Variants in SCARA5 observed in about 807,000 individuals in gnomAD.
The protein encoded by SCARA5 is scavenger receptor class A, member 5 (putative).
Under a neutral mutation model 46.3 loss-of-function variants are expected in SCARA5, and 45 were observed. That is an observed-to-expected ratio of 0.97 (90% CI 0.76 to 1.24). The LOEUF (loss-of-function observed/expected upper bound fraction) is 1.24. Among genes scored for constraint, SCARA5 ranks in the 50% most tolerant of loss-of-function variants. SCARA5 has a pLI of 0.00. For missense variants in SCARA5, 680 were observed against 689.0 expected, an observed-to-expected ratio of 0.99 and a Z score of 0.15; for synonymous variants, 333 against 306.5, an observed-to-expected ratio of 1.09 and a Z score of -0.90.
intron 2 of SCARA5, among the ~76,000 whole-genome samples, chr8:27,984,543 T>C (rs1041586934): frequency 2.0e-5 from 3 of 152,128 alleles, no homozygotes; most frequent in African/African-American, 4.8e-5. Context: ...CATTCATTCA[T>C]CCATCCATCC....
At chr8:27,953,998 C>T (rs1421709525) in intron 3 of SCARA5, among the ~76,000 whole-genome samples, 1 of 152,168 alleles carries the variant, frequency 6.6e-6, no homozygotes, top group East Asian at 1.9e-4. Context: ...ATGCAGGTCC[C>T]ACTCTGCCAC....
chr8:27,967,702 C>G (rs1808390720), intron 2 of SCARA5, among the ~76,000 whole-genome samples: 1 of 152,126 alleles, frequency 6.6e-6, no homozygotes, highest in Admixed American at 6.6e-5. Flanking sequence ...CACTTGAGGT[C>G]AGGAATTCGA....
chr8:27,983,018 G>A (rs1001871780), intron 2 of SCARA5, among the ~76,000 whole-genome samples: 3 of 152,134 alleles, frequency 2.0e-5, no homozygotes, highest in South Asian at 2.1e-4. Context: ...CCTGGGCATC[G>A]AGCCCCCACT....
intron 7 of SCARA5, 170 bp downstream of exon 7, chr8:27,904,608 A>T: frequency 1.4e-6 from 1 of 716,658 alleles, no homozygotes; most frequent in South Asian, 1.6e-5. Context: ...GGGGTCTATC[A>T]GCATCTCTTG....
chr8:27,898,895 TG>T (rs1807105489), intron 7 of SCARA5, among the ~76,000 whole-genome samples: 1 of 151,978 alleles, frequency 6.6e-6, no homozygotes, highest in East Asian at 1.9e-4. Flanking sequence ...GGTGCAGTGC[TG>T]AACACAGAAC....
chr8:27,912,230 A>C (rs1211261373), intron 4 of SCARA5, among the ~76,000 whole-genome samples: 1 of 152,226 alleles, frequency 6.6e-6, no homozygotes, highest in Non-Finnish European at 1.5e-5. Context: ...TTGATGAATG[A>C]ATGAGTATAT....
chr8:27,976,464 G>A (rs1808525594), intron 2 of SCARA5, among the ~76,000 whole-genome samples: 1 of 152,110 alleles, frequency 6.6e-6, no homozygotes, highest in Admixed American at 6.5e-5. Context: ...CCTTAAAGAT[G>A]TCTGCAAGTT....
chr8:27,974,326 T>G (rs946042385), intron 2 of SCARA5, among the ~76,000 whole-genome samples: 2 of 152,202 alleles, frequency 1.3e-5, no homozygotes, highest in Non-Finnish European at 2.9e-5. Context: ...TTTCAGTTTC[T>G]TAGTCATAAT....
At chr8:27,886,456 G>A (rs1272365419) in intron 7 of SCARA5, among the ~76,000 whole-genome samples, 1 of 152,184 alleles carries the variant, frequency 6.6e-6, no homozygotes, top group Non-Finnish European at 1.5e-5. Flanking sequence ...CACCTCTCTG[G>A]GAAACCACAG....
chr8:27,922,275 C>A, intron 3 of SCARA5, 30 bp from the exon 4 acceptor site: 1 of 1,487,458 alleles, frequency 6.7e-7, no homozygotes, highest in Non-Finnish European at 9.0e-7. Context: ...GAGACTTGAG[C>A]ACCGCTGGGG....
intron 2 of SCARA5, among the ~76,000 whole-genome samples, chr8:27,985,390 G>A (rs13277790): frequency 0.23 from 35,671 of 152,122 alleles, 4,885 homozygotes; most frequent in Middle Eastern, 0.39. Context: ...CAAGGTTGGG[G>A]CAGCACAGAG....
intron 7 of SCARA5, among the ~76,000 whole-genome samples, chr8:27,893,949 C>A (rs1290545817): frequency 6.6e-6 from 1 of 152,194 alleles, no homozygotes. Flanking sequence ...GCTGGGGTAA[C>A]CTCAGAGCTA....
intron 7 of SCARA5, among the ~76,000 whole-genome samples, chr8:27,885,244 C>T (rs997149796): frequency 2.6e-5 from 4 of 152,070 alleles, no homozygotes; most frequent in Non-Finnish European, 5.9e-5. Flanking sequence ...TGAGTGGAGA[C>T]CTGAATGAGC....
In SCARA5 at chr8:27,871,700, G is replaced by A. The variant is rs1339245107; in HGVS notation, c.*234C>T. 3.2e-5 allele frequency: 45 copies of A among 1,387,236 alleles called. No individual in the cohort carries two copies. The highest frequency in any genetic ancestry group is 4.1e-5 in the Non-Finnish European group (44 of 1,070,766). The allele number at this position is 1,387,236 out of a possible 1,614,324, so 85.9% of individuals were successfully genotyped here. A position where few individuals can be genotyped will look rare whatever the true frequency, so the allele number is the denominator to read the frequency against. ...CCAGTTGATCAGGGCTCCTCATGCA[G>A]GAACCTGGTGGAAGAGAGAGACGGG... is the stretch of plus-strand genomic sequence containing the variant. On this transcript the variant is annotated 3_prime_UTR_variant, in exon 9 of 9. Transcript: ENST00000354914.
chr8:27,925,759 AC>A (rs1807670520), intron 3 of SCARA5, among the ~76,000 whole-genome samples: 1 of 152,192 alleles, frequency 6.6e-6, no homozygotes, highest in Non-Finnish European at 1.5e-5. Context: ...AAGAAAAAAA[AC>A]AAACCACCCC....
chr8:27,977,873 C>T (rs1325108847), intron 2 of SCARA5, among the ~76,000 whole-genome samples: 3 of 152,232 alleles, frequency 2.0e-5, no homozygotes, highest in Admixed American at 6.5e-5. Flanking sequence ...CTGTAAAAAA[C>T]GCACTGGATT....
At chr8:27,909,205 C>G (rs1486765379) in intron 5 of SCARA5, 1 of 153,540 alleles carries the variant, frequency 6.5e-6, no homozygotes, top group Non-Finnish European at 1.4e-5. Context: ...GGGGACGGGT[C>G]AAAAGAGGAA....
At chr8:27,930,223 G>A (rs1807747757) in intron 3 of SCARA5, among the ~76,000 whole-genome samples, 1 of 152,048 alleles carries the variant, frequency 6.6e-6, no homozygotes, top group Non-Finnish European at 1.5e-5. Flanking sequence ...TGAATCATGG[G>A]GAACGGTCTT....
rs1475102573 is a variant in SCARA5 at position 27,909,718 on chromosome 8, CT to C, written c.941del (p.Gln314ArgfsTer78). On this transcript the variant is annotated frameshift_variant, in exon 5 of 9. Coordinates refer to ENST00000354914, the MANE Select transcript of SCARA5 (RefSeq NM_173833.6). LOFTEE classifies it high-confidence loss of function. ...AKGPPGPKGD[Q>X]GDEGKEGRPG... ...GCCTGCCTTCCTTTCCTTCATCCCC[CT>C]GATCACCTTTGGGTCCCGGTGGCCC... The C allele has an allele frequency of 1.3e-6, 2 of 1,551,514 alleles. No individual in the cohort carries two copies. The highest frequency in any genetic ancestry group is 2.0e-5 in the Admixed American group (1 of 51,026).
Sources: allele counts gnomAD v4.1 joint callset (sites outside exome capture counted in the v4.1 genomes callset), GRCh38; gene constraint gnomAD v4.1.1; transcripts MANE v1.5; gene names NCBI Gene and HGNC (gene_info 2026-07-23, HGNC 2026-07-21).